Variants in SHROOM2 observed in about 807,000 individuals in gnomAD.
SHROOM2 encodes the protein protein Shroom2.
Under a neutral mutation model 75.9 loss-of-function variants are expected in SHROOM2, and 33 were observed. The ratio of observed to expected loss-of-function variants is 0.43; its 90% CI spans 0.33 to 0.58. The LOEUF is 0.58. Among genes scored for constraint, SHROOM2 ranks in the 20% least tolerant of loss-of-function variants. The pLI, the probability that SHROOM2 is intolerant of heterozygous loss-of-function variation, is 0.04. For missense variants in SHROOM2, 1,434 were observed against 1,461.2 expected (o/e 0.98, Z 0.30); for synonymous variants, 655 against 663.6 (o/e 0.99, Z 0.20).
At chrX:9,928,235 G>A (rs758928596) in intron 5 of SHROOM2, among the ~76,000 whole-genome samples, 1 of 112,275 alleles carries the variant, frequency 8.9e-6, no homozygotes, top group African/African-American at 3.2e-5. Flanking sequence ...GGAGCCTGCC[G>A]GCCCTCTCCC....
chrX:9,931,613 C>G (rs2084648922), intron 5 of SHROOM2, among the ~76,000 whole-genome samples: 1 of 111,375 alleles, frequency 9.0e-6, no homozygotes, highest in African/African-American at 3.3e-5. Flanking sequence ...CACTGTACTC[C>G]AGCCTGGGTG....
chrX:9,914,693 C>A (rs2084471190), intron 5 of SHROOM2, among the ~76,000 whole-genome samples: 1 of 111,987 alleles, frequency 8.9e-6, no homozygotes, highest in African/African-American at 3.2e-5. Flanking sequence ...AGTGCCTCTT[C>A]ATATGTATAC....
chrX:9,810,390 C>G (rs1302214843), intron 1 of SHROOM2, among the ~76,000 whole-genome samples: 1 of 111,460 alleles, frequency 9.0e-6, no homozygotes, highest in East Asian at 2.8e-4. Context: ...CATGCATACT[C>G]TTCCCTAGTT....
chrX:9,897,201 A>G (rs150273745), intron 4 of SHROOM2, among the ~76,000 whole-genome samples: 2,266 of 111,945 alleles, frequency 0.02, 52 homozygotes, highest in African/African-American at 0.068. Flanking sequence ...GACAAAATGT[A>G]TTTAAAACAC....
At chrX:9,935,859 C>T (rs1343432403) in intron 6 of SHROOM2, among the ~76,000 whole-genome samples, 2 of 111,531 alleles carry the variant, frequency 1.8e-5, no homozygotes, top group African/African-American at 6.5e-5. Context: ...GGAGTTTGGC[C>T]TGTTTCTTTT....
rs146293352 is a variant in SHROOM2 at position 9,837,122 on chromosome X, A to G, written c.166-36530A>G. Reference sequence around the variant, plus strand: ...ATGGTGCTGACCAGTGTGTCAGCTGATGCACGGTCTCATTGCTTTCCCGTG... The same window carrying G: ...ATGGTGCTGACCAGTGTGTCAGCTGGTGCACGGTCTCATTGCTTTCCCGTG... On this transcript the variant is annotated intron_variant, in intron 1 of 9. Transcript: ENST00000380913. Among the ~76,000 whole-genome samples the G allele has an allele frequency of 7.8e-3, 872 of 112,371 alleles. 25 individuals are homozygous for G. The highest frequency in any genetic ancestry group is 0.05 in the Admixed American group (534 of 10,673).
rs775719555 is a variant in SHROOM2 at position 9,896,666 on chromosome X, C to T, written c.2758C>T (p.Arg920Trp). The T allele has an allele frequency of 1.7e-5, 20 of 1,193,802 alleles. No individual in the cohort carries two copies. The Admixed American group carries it at 3.6e-4, about 22-fold the overall frequency. Residue 920 changes from arginine (R) to tryptophan (W), a missense_variant, in exon 4 of 10, where the codon CGG becomes TGG. Physicochemically the swap from Arg to Trp is moderately radical, Grantham distance 101. Coordinates refer to ENST00000380913, the MANE Select transcript of SHROOM2 (RefSeq NM_001649.4). ...GCCGCAGCACGTTCATGGGAGGTCC[C>T]GGTCTTCACCGTCCACAGACCACTA... is the stretch of plus-strand genomic sequence containing the variant. ...ERPQHVHGRS[R>W]SSPSTDHYKQ...
At position 9,896,007 on chromosome X, in the gene SHROOM2, G is replaced by A. The variant is rs775101774; in HGVS notation, c.2099G>A (p.Arg700His). The A allele has an allele frequency of 2.2e-5, 27 of 1,207,430 alleles. No homozygotes were observed. The highest frequency in any genetic ancestry group is 5.9e-5 in the East Asian group (2 of 33,662). ...CTGAGGGCCACGTCCTTCAAGCGCC[G>A]CGACTTGGACCCCAACCCAGGAGAC... Reference protein sequence around the residue: ...RVLRATSFKRRDLDPNPGDLY... With the variant: ...RVLRATSFKRHDLDPNPGDLY... Residue 700 changes from arginine to histidine, a missense_variant, in exon 4 of 10, where the codon CGC (arginine) becomes CAC (histidine). By Grantham distance (29) the Arg-to-His change is conservative. Around this residue, in one of 3 missense-constraint regions of SHROOM2, gnomAD observed 1,340 missense variants for 1,338.3 expected, o/e 1.00. Coordinates refer to ENST00000380913, the MANE Select transcript of SHROOM2 (RefSeq NM_001649.4).
intron 1 of SHROOM2, among the ~76,000 whole-genome samples, chrX:9,828,218 A>G (rs2083898235): frequency 8.9e-6 from 1 of 112,376 alleles, no homozygotes; most frequent in South Asian, 3.7e-4. Context: ...CACTATCACA[A>G]GAACTGCATG....
At chrX:9,867,259 T>C (rs756189038) in intron 1 of SHROOM2, among the ~76,000 whole-genome samples, 2 of 111,428 alleles carry the variant, frequency 1.8e-5, no homozygotes, top group East Asian at 5.7e-4. Flanking sequence ...CCACACAGAA[T>C]ATCAGTTAAT....
intron 8 of SHROOM2, among the ~76,000 whole-genome samples, chrX:9,940,399 C>G (rs2084758480): frequency 8.9e-6 from 1 of 111,757 alleles, no homozygotes; most frequent in Admixed American, 9.5e-5. Context: ...TTCTGCCGCC[C>G]TCATCTGTGG....
At chrX:9,827,959 G>A (rs1429456359) in intron 1 of SHROOM2, among the ~76,000 whole-genome samples, 1 of 112,216 alleles carries the variant, frequency 8.9e-6, no homozygotes, top group East Asian at 2.8e-4. Flanking sequence ...CCAAAATGCA[G>A]AGGCTCAGGT....
At chrX:9,941,246 T>C (rs1056933222) in intron 8 of SHROOM2, among the ~76,000 whole-genome samples, 3 of 112,001 alleles carry the variant, frequency 2.7e-5, no homozygotes, top group African/African-American at 6.5e-5. Flanking sequence ...GGCTCATTCT[T>C]AGTGGAGGGA....
intron 1 of SHROOM2, among the ~76,000 whole-genome samples, chrX:9,848,746 G>A (rs937901429): frequency 3.6e-5 from 4 of 110,317 alleles, no homozygotes; most frequent in African/African-American, 9.9e-5. Context: ...TTAGCTTCCC[G>A]AATCAGTTTA....
At position 9,872,239 on chromosome X, in the gene SHROOM2, T is replaced by C. The variant is rs748822394; in HGVS notation, c.166-1413T>C. Among the ~76,000 whole-genome samples the C allele has an allele frequency of 3.5e-4, 39 of 112,555 alleles. No homozygotes were observed. In the South Asian group the frequency reaches 0.014, roughly 40 times the overall value. On this transcript the variant is annotated intron_variant, in intron 1 of 9. Coordinates refer to ENST00000380913, the MANE Select transcript of SHROOM2 (RefSeq NM_001649.4). ...GAATGAATTGCTGTTGAGTTCTACT[T>C]TACTGTATAGGAAAATCTAGGTTAA...
In SHROOM2 at chrX:9,920,079, C is replaced by T. The variant is rs769964382; in HGVS notation, c.2892-12096C>T. Among the ~76,000 whole-genome samples the T allele has an allele frequency of 2.3e-4, 14 of 60,608 alleles. No individual in the cohort carries two copies. In the East Asian group the frequency reaches 3.5e-3, roughly 15 times the overall value. The allele number at this position is 60,608 out of a possible 115,157, so 52.6% of individuals were successfully genotyped here. On this transcript the variant is annotated intron_variant, in intron 5 of 9. Transcript: ENST00000380913. Reference sequence around the variant, plus strand: ...CTCATCAGACATCTCAACTTCACTACGGTTCATCAGACAGACATCTCAAAT... The same window carrying T: ...CTCATCAGACATCTCAACTTCACTATGGTTCATCAGACAGACATCTCAAAT...
At chrX:9,926,691 G>A (rs1174106002) in intron 5 of SHROOM2, among the ~76,000 whole-genome samples, 1 of 111,752 alleles carries the variant, frequency 8.9e-6, no homozygotes, top group African/African-American at 3.3e-5. Flanking sequence ...CAGAGAGACT[G>A]ACACTTTTGC....
chrX:9,812,586 A>G (rs1278621596), intron 1 of SHROOM2, among the ~76,000 whole-genome samples: 3 of 112,038 alleles, frequency 2.7e-5, no homozygotes, highest in African/African-American at 9.7e-5. Context: ...AGTCAGATTT[A>G]TTTCCCATCC....
chrX:9,892,161 T>G (rs1221219319), intron 3 of SHROOM2, among the ~76,000 whole-genome samples: 1 of 105,932 alleles, frequency 9.4e-6, no homozygotes. Context: ...ACTGAGGCAG[T>G]AGGATCACTG....
Sources: gnomAD v4.1 joint callset for allele counts (sites outside exome capture counted in the v4.1 genomes callset) on GRCh38, gnomAD v4.1.1 for gene constraint, gnomAD v4.1.1 regional missense constraint, MANE v1.5 for transcripts, NCBI Gene and HGNC (gene_info 2026-07-23, HGNC 2026-07-21) for gene names.